The following PAM variants were observed in gnomAD, a reference collection of about 807,000 sequenced individuals.
PAM encodes the protein peptidylglycine alpha-amidating monooxygenase, also known as peptidyl-glycine alpha-amidating monooxygenase.
A neutral mutation model predicts 122.1 loss-of-function variants in PAM; 72 were observed. The ratio of observed to expected loss-of-function variants is 0.59; its 90% CI spans 0.49 to 0.72. The LOEUF (loss-of-function observed/expected upper bound fraction) is 0.72, where lower values mean the gene tolerates loss of function less well. PAM is among the 30% of genes least tolerant of loss of function. The probability of loss-of-function intolerance (pLI) is 0.00; values close to 1 mark genes in which losing one functional copy is unlikely to be tolerated. For synonymous variants in PAM, 389 were observed against 404.4 expected (o/e 0.96, Z 0.46); for missense variants, 1,106 against 1,183.7 (o/e 0.93, Z 0.96).
In PAM at chr5:102,782,725, C is replaced by CTCTG. The variant is rs1387780206; in HGVS notation, c.-374+27378_-374+27379insCTGT. Among the ~76,000 whole-genome samples the CTCTG allele has an allele frequency of 5.0e-3, 703 of 140,150 alleles. 1 individual carries two copies. The highest frequency in any genetic ancestry group is 0.011 in the Admixed American group (158 of 14,228). 91.9% of individuals were successfully genotyped at this position (140,150 alleles called of 152,430 possible). ...CATTTCTCTCTCTCTCTCTCTCTCT[C>CTCTG]TGTGTGTGTGTGTGTGTGTGTGTGT... On this transcript the variant is annotated intron_variant, in intron 1 of 25. Coordinates refer to ENST00000438793, the MANE Select transcript of PAM (RefSeq NM_001177306.2).
chr5:102,923,894 T>C (rs1341172215), intron 5 of PAM, among the ~76,000 whole-genome samples: 3 of 152,162 alleles, frequency 2.0e-5, no homozygotes, highest in Non-Finnish European at 4.4e-5. Flanking sequence ...TCAGATAAAG[T>C]GAATGTTTTG....
intron 1 of PAM, among the ~76,000 whole-genome samples, chr5:102,757,795 C>T (rs1300395654): frequency 2.0e-5 from 3 of 151,998 alleles, no homozygotes; most frequent in Non-Finnish European, 4.4e-5. Flanking sequence ...AATCCCAACA[C>T]TTTGAGAGGC....
intron 7 of PAM, among the ~76,000 whole-genome samples, chr5:102,937,971 T>G (rs1381681479): frequency 6.6e-6 from 1 of 152,144 alleles, no homozygotes; most frequent in African/African-American, 2.4e-5. Flanking sequence ...AGTAATCCAT[T>G]TCCCTTATCA....
chr5:103,018,440 A>G (rs1263935076), intron 22 of PAM, among the ~76,000 whole-genome samples: 3 of 152,216 alleles, frequency 2.0e-5, no homozygotes, highest in African/African-American at 4.8e-5. Flanking sequence ...AGTCAGAACT[A>G]TCCTTTGGAT....
chr5:102,882,719 TTTAA>T (rs1330733569), intron 3 of PAM, among the ~76,000 whole-genome samples: 1 of 152,120 alleles, frequency 6.6e-6, no homozygotes, highest in East Asian at 1.9e-4. Flanking sequence ...AGCCTTTTAG[TTTAA>T]TTAAGTCCCA....
chr5:102,933,047 G>A (rs182456138), intron 7 of PAM, among the ~76,000 whole-genome samples: 82 of 152,322 alleles, frequency 5.4e-4, no homozygotes, highest in Admixed American at 3.1e-3. Context: ...TTCCCGTCCA[G>A]TGAGCATAAG....
chr5:102,871,983 T>C (rs963757271), intron 3 of PAM, among the ~76,000 whole-genome samples: 2 of 152,068 alleles, frequency 1.3e-5, no homozygotes, highest in Non-Finnish European at 1.5e-5. Flanking sequence ...AAATTAAATA[T>C]CTTCCTTGAG....
At chr5:102,908,058 C>A (rs1800154978) in intron 4 of PAM, among the ~76,000 whole-genome samples, 1 of 152,020 alleles carries the variant, frequency 6.6e-6, no homozygotes, top group Non-Finnish European at 1.5e-5. Flanking sequence ...ATGCCTATGT[C>A]CTGAATGATA....
At chr5:102,849,653 T>C (rs1056956799) in intron 1 of PAM, among the ~76,000 whole-genome samples, 11 of 152,046 alleles carry the variant, frequency 7.2e-5, no homozygotes, top group African/African-American at 2.4e-4. Context: ...AGTTATATAG[T>C]TTAGCAACTT....
rs997803173 is a variant in PAM, at chr5:102,980,421, G to A, written c.1483+5985G>A. On this transcript the variant is annotated intron_variant, in intron 15 of 25. Coordinates refer to ENST00000438793, the MANE Select transcript of PAM (RefSeq NM_001177306.2). ...AAGGATTTTAAATTGTTCTTAATTG[G>A]GGATTAGAAAATAATTATCCCTGAA... is the stretch of plus-strand genomic sequence containing the variant. 3.8e-4 allele frequency among the ~76,000 whole-genome samples: 57 copies of A among 151,932 alleles called. 1 individual carries two copies. The highest frequency in any genetic ancestry group is 3.7e-3 in the Admixed American group (56 of 15,246).
At chr5:102,840,975 AT>A (rs1311452454) in intron 1 of PAM, among the ~76,000 whole-genome samples, 1 of 152,200 alleles carries the variant, frequency 6.6e-6, no homozygotes, top group Non-Finnish European at 1.5e-5. Flanking sequence ...GGGTATTTTT[AT>A]TTAATAACTA....
At chr5:102,929,463 T>C (rs1045168232) in intron 7 of PAM, among the ~76,000 whole-genome samples, 1 of 152,202 alleles carries the variant, frequency 6.6e-6, no homozygotes, top group African/African-American at 2.4e-5. Context: ...TTTGGTGCCA[T>C]TGTCAGGGAA....
At chr5:102,908,172 T>G (rs901424938) in intron 4 of PAM, among the ~76,000 whole-genome samples, 7 of 152,060 alleles carry the variant, frequency 4.6e-5, no homozygotes, top group Admixed American at 2.6e-4. Context: ...AAGGGATCCA[T>G]TTTCAGCTTT....
intron 15 of PAM, among the ~76,000 whole-genome samples, chr5:102,987,937 T>C (rs1179588266): frequency 6.6e-6 from 1 of 152,212 alleles, no homozygotes; most frequent in Non-Finnish European, 1.5e-5. Flanking sequence ...AATTATTCCC[T>C]CTGTGCTTTA....
chr5:102,805,947 T>G (rs576045084), intron 1 of PAM, among the ~76,000 whole-genome samples: 5 of 152,328 alleles, frequency 3.3e-5, no homozygotes, highest in African/African-American at 1.2e-4. Flanking sequence ...ACTTGATTTT[T>G]GTTTCTGCTG....
chr5:102,898,788 T>G (rs2151374611), intron 3 of PAM, among the ~76,000 whole-genome samples: 1 of 151,782 alleles, frequency 6.6e-6, no homozygotes, highest in African/African-American at 2.4e-5. Flanking sequence ...TTAGAGAGGT[T>G]TGAAAAATAC....
chr5:102,976,808 C>T (rs889894951), intron 15 of PAM, among the ~76,000 whole-genome samples: 3 of 152,296 alleles, frequency 2.0e-5, no homozygotes, highest in Middle Eastern at 3.4e-3. Flanking sequence ...AATGAGGTCA[C>T]AGATCTAAAT....
chr5:102,801,772 ATTTTT>A lies in PAM; in HGVS notation c.-374+46444_-374+46448del, dbSNP rs36068804. Among the ~76,000 whole-genome samples, 213 of 98,966 alleles carry A rather than the reference ATTTTT, an allele frequency of 2.2e-3. 2 individuals carry two copies. Among genetic ancestry groups the A allele is most frequent in the African/African-American group, 7.6e-3 (184 of 24,116 alleles). The allele number at this position is 98,966 out of a possible 152,430, so 64.9% of individuals were successfully genotyped here. ...CTTATTTGTATCCTAGGGAAAAGGT[ATTTTT>A]TTTTTTTTTTTTTTTTTTTGAGACG... On this transcript the variant is annotated intron_variant, in intron 1 of 25. Coordinates refer to ENST00000438793, the MANE Select transcript of PAM (RefSeq NM_001177306.2).
At chr5:102,832,434 G>A (rs1391576463) in intron 1 of PAM, among the ~76,000 whole-genome samples, 2 of 151,532 alleles carry the variant, frequency 1.3e-5, no homozygotes, top group Non-Finnish European at 2.9e-5. Context: ...TAGATTCCTG[G>A]AACCATAATA....
Sources: allele counts gnomAD v4.1 joint callset (sites outside exome capture counted in the v4.1 genomes callset), GRCh38; gene constraint gnomAD v4.1.1; transcripts MANE v1.5; gene names NCBI Gene and HGNC (gene_info 2026-07-23, HGNC 2026-07-21).